CD37: variants seen among roughly 807,000 people sequenced by gnomAD.
CD37 encodes the protein CD37 molecule.
In CD37, 37 loss-of-function variants were observed where a neutral mutation model predicts 38.9. The ratio of observed to expected loss-of-function variants is 0.95; its 90% confidence interval spans 0.73 to 1.25. The LOEUF (loss-of-function observed/expected upper bound fraction) is 1.25. CD37 is among the 50% of genes most tolerant of loss of function. The probability of loss-of-function intolerance (pLI) is 0.00; values close to 1 mark genes in which losing one functional copy is unlikely to be tolerated. For missense variants in CD37, 351 were observed against 360.1 expected, an observed-to-expected ratio of 0.97 and a Z score of 0.20; for synonymous variants, 146 against 150.1, an observed-to-expected ratio of 0.97 and a Z score of 0.20.
chr19:49,339,353 G>A lies in CD37; in HGVS notation c.708G>A (p.Lys236=), dbSNP rs58575379. The change falls in exon 7 of 8, where the codon AAG becomes AAA. Residue 236 remains lysine, a synonymous_variant. Transcript: ENST00000323906. The surrounding 1 kb of genome is among the most constrained non-coding windows in gnomAD (Gnocchi z 4.5). ...YREGCAQGLQ[K]WLHNNLISIV... is the part of the protein sequence containing the mutation. ...AGGGCTGCGCGCAGGGCCTCCAGAA[G>A]TGGCTGCACAACAACCTTATTTCCA... The A allele has an allele frequency of 5.2e-3, 8,314 of 1,614,036 alleles. 174 individuals are homozygous for A. In the African/African-American group the frequency reaches 0.059, roughly 11 times the overall value.
In CD37 at chr19:49,339,731, G is replaced by T; in HGVS notation, c.768+318G>T. On this transcript the variant is annotated intron_variant, in intron 7 of 7. Coordinates refer to ENST00000323906, the MANE Select transcript of CD37 (RefSeq NM_001774.3). This position sits in a 1 kb window ranked among gnomAD's most constrained non-coding sequence, Gnocchi z 4.5. ...CGGAAATGCGAGCCGCACGTGCCGG[G>T]CGCTGGGGATTCGAGCCCCGGGCCC... The T allele has an allele frequency of 7.1e-7, 1 of 1,401,054 alleles. No individual in the cohort carries two copies. Among genetic ancestry groups the T allele is most frequent in the African/African-American group, 1.4e-5 (1 of 68,978 alleles). The allele number at this position is 1,401,054 out of a possible 1,614,324, so 86.8% of individuals were successfully genotyped here.
At position 49,338,955 on chromosome 19, in the gene CD37, C is replaced by T; in HGVS notation, c.684+19C>T. On this transcript the variant is annotated intron_variant, in intron 6 of 7. Transcript: ENST00000323906. This position sits in a 1 kb window ranked among gnomAD's most constrained non-coding sequence, Gnocchi z 5.0. ...CCGCGAGGTGGGCAGGGGTTCGGAG[C>T]ATAAACCTGTCGAATGGGGCGGGGC... 2.6e-6 allele frequency: 4 copies of T among 1,538,418 alleles called. No homozygotes were observed. Among genetic ancestry groups the T allele is most frequent in the Non-Finnish European group, 3.6e-6 (4 of 1,115,100 alleles).
chr19:49,338,890 G>C lies in CD37; in HGVS notation c.638G>C (p.Ser213Thr), dbSNP rs377693977. Residue 213 changes from serine (S) to threonine (T), a missense_variant, in exon 6 of 8, where the codon AGT (serine) becomes ACT (threonine). Ser to Thr is a moderately conservative substitution (Grantham distance 58). Coordinates refer to ENST00000323906, the MANE Select transcript of CD37 (RefSeq NM_001774.3). This position sits in a 1 kb window ranked among gnomAD's most constrained non-coding sequence, Gnocchi z 5.0. The stretch of plus-strand genomic sequence containing the variant: ...GGACACCTGGCGCGGTCCAGACACA[G>C]TGCAGACATCTGCGCTGTCCCTGCA... ...RLGHLARSRH[S>T]ADICAVPAES... 11 of 1,614,052 alleles carry C rather than the reference G, an allele frequency of 6.8e-6. No individual in the cohort carries two copies. The East Asian group carries it at 8.9e-5, about 13-fold the overall frequency.
Position 49,337,016 on chromosome 19 carries a change from C to T in CD37, c.250C>T (p.Arg84Cys), listed in dbSNP as rs755994691. The T allele has an allele frequency of 9.3e-6, 15 of 1,613,360 alleles. No individual in the cohort carries two copies. The highest frequency in any genetic ancestry group is 8.8e-5 in the South Asian group (8 of 91,006). ...TTGTGTGGGGGCCCTCAAGGAGCTC[C>T]GCTGCCTCCTGGGCCTGGTGAGTGC... ...LGCVGALKEL[R>C]CLLGLYFGML... The change falls in exon 3 of 8, where the codon CGC (arginine) becomes TGC (cysteine). Residue 84 changes from arginine to cysteine, a missense_variant. Arg to Cys is a radical substitution (Grantham distance 180). Transcript: ENST00000323906.
Position 49,339,238 on chromosome 19 carries a change from T to C in CD37, c.685-92T>C. 8.6e-7 allele frequency: 1 copy of C among 1,156,492 alleles called. No individual in the cohort carries two copies. The allele number at this position is 1,156,492 out of a possible 1,614,324, so 71.6% of individuals were successfully genotyped here. On this transcript the variant is annotated intron_variant, in intron 6 of 7. Transcript: ENST00000323906. This position sits in a 1 kb window ranked among gnomAD's most constrained non-coding sequence, Gnocchi z 4.5. ...GTGACTAGGGGAGCGGGTAGATGCC[T>C]GAAGACGGTGAGGGTTGGCCTGAAA...
chr19:49,337,913 G>A lies in CD37; in HGVS notation c.343-12G>A, dbSNP rs1454366350. On this transcript the variant is annotated splice_polypyrimidine_tract_variant and intron_variant, in intron 4 of 7. Transcript: ENST00000323906. ...GGGAAGATAAGGCCCAGCCTCACTG[G>A]TGGCCTCTCAGCTGGAGCGAAGCTT... The A allele has an allele frequency of 6.2e-7, 1 of 1,613,964 alleles. No individual in the cohort carries two copies. The highest frequency in any genetic ancestry group is 1.7e-5 in the Admixed American group (1 of 60,004).
At position 49,339,394 on chromosome 19, in the gene CD37, T is replaced by A; in HGVS notation, c.749T>A (p.Leu250Gln). ...CTTATTTCCATAGTGGGCATTTGCC[T>A]GGGCGTCGGCCTACTCGAGGTGATC... ...NNLISIVGICLGVGLLELGFM... is the reference protein window; with the variant it reads ...NNLISIVGICQGVGLLELGFM... The change falls in exon 7 of 8, where the codon CTG becomes CAG. Residue 250 changes from leucine (L) to glutamine (Q), a missense_variant. Coordinates refer to ENST00000323906, the MANE Select transcript of CD37 (RefSeq NM_001774.3). The surrounding 1 kb of genome is among the most constrained non-coding windows in gnomAD (Gnocchi z 4.5). 1 of 1,613,966 alleles carries A rather than the reference T, an allele frequency of 6.2e-7. No homozygotes were observed. The highest frequency in any genetic ancestry group is 2.2e-5 in the East Asian group (1 of 44,872).
In CD37 at chr19:49,338,960, A is replaced by C; in HGVS notation, c.684+24A>C. The C allele has an allele frequency of 1.3e-5, 20 of 1,521,300 alleles. No individual in the cohort carries two copies. Among genetic ancestry groups the C allele is most frequent in the Non-Finnish European group, 1.7e-5 (19 of 1,101,446 alleles). The allele number at this position is 1,521,300 out of a possible 1,614,324, so 94.2% of individuals were successfully genotyped here. On this transcript the variant is annotated intron_variant, in intron 6 of 7. Transcript: ENST00000323906. The surrounding 1 kb of genome is among the most constrained non-coding windows in gnomAD (Gnocchi z 5.0). The stretch of plus-strand genomic sequence containing the variant: ...AGGTGGGCAGGGGTTCGGAGCATAA[A>C]CCTGTCGAATGGGGCGGGGCCTGCG...
rs769380579 is a variant in CD37, at chr19:49,338,956, A to T, written c.684+20A>T. The stretch of plus-strand genomic sequence containing the variant: ...CGCGAGGTGGGCAGGGGTTCGGAGC[A>T]TAAACCTGTCGAATGGGGCGGGGCC... On this transcript the variant is annotated intron_variant, in intron 6 of 7. Coordinates refer to ENST00000323906, the MANE Select transcript of CD37 (RefSeq NM_001774.3). This position sits in a 1 kb window ranked among gnomAD's most constrained non-coding sequence, Gnocchi z 5.0. 1.3e-6 allele frequency: 2 copies of T among 1,590,580 alleles called. No individual in the cohort carries two copies. Among genetic ancestry groups the T allele is most frequent in the African/African-American group, 1.3e-5 (1 of 74,542 alleles).
Position 49,337,039 on chromosome 19 carries a change from T to C in CD37, c.267+6T>C, listed in dbSNP as rs1280402984. 1 of 1,613,198 alleles carries C rather than the reference T, an allele frequency of 6.2e-7. No homozygotes were observed. Among genetic ancestry groups the C allele is most frequent in the South Asian group, 1.1e-5 (1 of 91,018 alleles). ...TCCGCTGCCTCCTGGGCCTGGTGAG[T>C]GCACCATCCCTCTCCGTCCCTAGGA... On this transcript the variant is annotated splice_donor_region_variant and intron_variant, in intron 3 of 7. Coordinates refer to ENST00000323906, the MANE Select transcript of CD37 (RefSeq NM_001774.3).
chr19:49,339,205 G>C lies in CD37; in HGVS notation c.685-125G>C, dbSNP rs2076595964. The C allele has an allele frequency of 1.2e-6, 1 of 841,838 alleles. No homozygotes were observed. 52.1% of individuals were successfully genotyped at this position (841,838 alleles called of 1,614,324 possible). On this transcript the variant is annotated intron_variant, in intron 6 of 7. Coordinates refer to ENST00000323906, the MANE Select transcript of CD37 (RefSeq NM_001774.3). This position sits in a 1 kb window ranked among gnomAD's most constrained non-coding sequence, Gnocchi z 4.5. ...AGGGTGCACTAGTAAGGAGACTAGA[G>C]TGCCCTGGTGACTAGGGGAGCGGGT...
rs1468093801 is a variant in CD37, at chr19:49,336,910, C to T, written c.144C>T (p.Gly48=). 27 of 1,613,962 alleles carry T rather than the reference C, an allele frequency of 1.7e-5. No individual in the cohort carries two copies. Among genetic ancestry groups the T allele is most frequent in the Non-Finnish European group, 2.2e-5 (26 of 1,179,950 alleles). The change falls in exon 3 of 8, where the codon GGC becomes GGT. Residue 48 remains glycine, a splice_region_variant and synonymous_variant. Transcript: ENST00000323906. ...IDKTSFVSFV[G]LAFVPLQIWS... ...CATCACTCCCCTCACCTCTCCCAGG[C>T]TTGGCCTTCGTGCCTCTGCAGATCT...
Position 49,340,429 on chromosome 19 carries a change from C to T in CD37, c.*101C>T. ...TTTAATCCCCAGTTCGCCTGGAGCC[C>T]TCCGCCTTCACATTCCCCTGGGGAC... On this transcript the variant is annotated 3_prime_UTR_variant, in exon 8 of 8. Transcript: ENST00000323906. 2 of 862,980 alleles carry T rather than the reference C, an allele frequency of 2.3e-6. No individual in the cohort carries two copies. The highest frequency in any genetic ancestry group is 3.8e-6 in the Non-Finnish European group (2 of 521,794). The allele number at this position is 862,980 out of a possible 1,614,324, so 53.5% of individuals were successfully genotyped here. A position where few individuals can be genotyped will look rare whatever the true frequency, so the allele number is the denominator to read the frequency against.
chr19:49,335,798 TGGGGCA>T lies in CD37; in HGVS notation c.142+15_142+20del. 1.4e-6 allele frequency: 2 copies of T among 1,464,678 alleles called. No individual in the cohort carries two copies. The highest frequency in any genetic ancestry group is 1.9e-6 in the Non-Finnish European group (2 of 1,045,476). 90.7% of individuals were successfully genotyped at this position (1,464,678 alleles called of 1,614,324 possible). ...CGTGTCCTTTGTGGGTGAGGGGGGC[TGGGGCA>T]GGTGGGAGGGCCTCCCCCAACCCAA... On this transcript the variant is annotated intron_variant, in intron 2 of 7. Coordinates refer to ENST00000323906, the MANE Select transcript of CD37 (RefSeq NM_001774.3). This position sits in a 1 kb window ranked among gnomAD's most constrained non-coding sequence, Gnocchi z 4.6.
Position 49,338,099 on chromosome 19 carries a change from C to T in CD37, c.447+70C>T, listed in dbSNP as rs1490991561. On this transcript the variant is annotated intron_variant, in intron 5 of 7. Coordinates refer to ENST00000323906, the MANE Select transcript of CD37 (RefSeq NM_001774.3). The surrounding 1 kb of genome is among the most constrained non-coding windows in gnomAD (Gnocchi z 5.0). ...GCCCTGTGCTTGGAGGAGACTCCAC[C>T]CCAACGTGGGCCCGACCCCCAGCTC... 5 of 1,569,944 alleles carry T rather than the reference C, an allele frequency of 3.2e-6. No homozygotes were observed. The highest frequency in any genetic ancestry group is 4.3e-6 in the Non-Finnish European group (5 of 1,157,398).
In CD37 at chr19:49,338,553, C is replaced by T. The variant is rs1316553041; in HGVS notation, c.448-147C>T. On this transcript the variant is annotated intron_variant, in intron 5 of 7. Coordinates refer to ENST00000323906, the MANE Select transcript of CD37 (RefSeq NM_001774.3). This position sits in a 1 kb window ranked among gnomAD's most constrained non-coding sequence, Gnocchi z 5.0. Reference sequence around the variant, plus strand: ...TAATGTCCCCTGGCTCCGGCCCCATCGTGACCCCAGCCCACTGTCCCCCAC... The same window carrying T: ...TAATGTCCCCTGGCTCCGGCCCCATTGTGACCCCAGCCCACTGTCCCCCAC... 4.6e-6 allele frequency: 3 copies of T among 658,414 alleles called. No homozygotes were observed. The highest frequency in any genetic ancestry group is 1.8e-5 in the African/African-American group (1 of 55,782). 40.8% of individuals were successfully genotyped at this position (658,414 alleles called of 1,614,324 possible).
chr19:49,337,437 G>C (rs1365911735), intron 4 of CD37, among the ~76,000 whole-genome samples: 1 of 151,990 alleles, frequency 6.6e-6, no homozygotes, highest in Non-Finnish European at 1.5e-5. Context: ...GACCAGCCTG[G>C]GCAACATAGT....
Position 49,335,688 on chromosome 19 carries a change from C to G in CD37, c.70-26C>G. On this transcript the variant is annotated intron_variant, in intron 1 of 7. Transcript: ENST00000323906. This position sits in a 1 kb window ranked among gnomAD's most constrained non-coding sequence, Gnocchi z 4.6. ...CCCTCATCTTCCCCTGTGGCCCACC[C>G]CCGTATCCGCATCTCCTCTCCCCAG... 6.2e-7 allele frequency: 1 copy of G among 1,613,286 alleles called. No homozygotes were observed. Among genetic ancestry groups the G allele is most frequent in the Non-Finnish European group, 8.5e-7 (1 of 1,179,322 alleles).
chr19:49,340,395 A>C lies in CD37; in HGVS notation c.*67A>C, dbSNP rs1312774993. 1.8e-6 allele frequency: 2 copies of C among 1,113,362 alleles called. No homozygotes were observed. Among genetic ancestry groups the C allele is most frequent in the African/African-American group, 3.1e-5 (2 of 65,080 alleles). 69.0% of individuals were successfully genotyped at this position (1,113,362 alleles called of 1,614,324 possible). On this transcript the variant is annotated 3_prime_UTR_variant, in exon 8 of 8. Coordinates refer to ENST00000323906, the MANE Select transcript of CD37 (RefSeq NM_001774.3). ...CGCTGGGCACTTCCCTGCTGCCTGT[A>C]AATATTTGTTTAATCCCCAGTTCGC...
Sources: gnomAD v4.1 joint callset for allele counts (sites outside exome capture counted in the v4.1 genomes callset) on GRCh38, gnomAD v4.1.1 for gene constraint, Gnocchi (gnomAD v3.1) non-coding constraint, MANE v1.5 for transcripts, NCBI Gene and HGNC (gene_info 2026-07-23, HGNC 2026-07-21) for gene names.